The following SLC6A11 variants were observed in gnomAD, a reference collection of about 807,000 sequenced individuals.
The protein encoded by SLC6A11 is solute carrier family 6 member 11, also known as sodium- and chloride-dependent GABA transporter 3.
SLC6A11 carries 25 observed loss-of-function variants against 74.8 expected under a neutral mutation model. The ratio of observed to expected loss-of-function variants is 0.33; its 90% CI spans 0.24 to 0.47. The LOEUF is 0.47. Ranked by LOEUF, SLC6A11 falls within the 20% of genes least tolerant of loss-of-function variation. The pLI is 1.00. For synonymous variants in SLC6A11, 330 were observed against 330.2 expected, an observed-to-expected ratio of 1.00 and a Z score of 0.01; for missense variants, 574 against 837.0, an observed-to-expected ratio of 0.69 and a Z score of 3.88.
At chr3:10,889,694 A>G (rs1294868972) in intron 6 of SLC6A11, among the ~76,000 whole-genome samples, 4 of 152,226 alleles carry the variant, frequency 2.6e-5, no homozygotes, top group African/African-American at 9.6e-5. Flanking sequence ...CCTGCATTTT[A>G]GCAACACCCC....
At chr3:10,919,050 G>A (rs529077214) in intron 8 of SLC6A11, among the ~76,000 whole-genome samples, 3 of 151,688 alleles carry the variant, frequency 2.0e-5, no homozygotes, top group South Asian at 2.1e-4. Flanking sequence ...CCTCCCTCAG[G>A]GCCTTTGCAC....
intron 5 of SLC6A11, among the ~76,000 whole-genome samples, chr3:10,864,241 A>G (rs1694737027): frequency 6.6e-6 from 1 of 151,764 alleles, no homozygotes; most frequent in East Asian, 2.0e-4. Context: ...CAGTGAGAAG[A>G]AAGAGTGACA....
chr3:10,825,632 G>GA (rs1439442858), intron 4 of SLC6A11: 2 of 151,656 alleles, frequency 1.3e-5, no homozygotes, highest in Admixed American at 1.3e-4. Context: ...CCCCAAAGTT[G>GA]AAAAAATTTT....
intron 5 of SLC6A11, among the ~76,000 whole-genome samples, chr3:10,870,964 A>T (rs1189601545): frequency 6.6e-6 from 1 of 152,198 alleles, no homozygotes; most frequent in African/African-American, 2.4e-5. Context: ...TTATGGTTTT[A>T]TAAAAGAAGT....
chr3:10,824,735 G>T (rs1041039827), intron 4 of SLC6A11: 4 of 152,072 alleles, frequency 2.6e-5, no homozygotes, highest in African/African-American at 4.8e-5. Flanking sequence ...AGGTCCTCTT[G>T]GTCCTCTTGA....
intron 5 of SLC6A11, among the ~76,000 whole-genome samples, chr3:10,849,396 C>T (rs554635570): frequency 1.5e-4 from 23 of 152,238 alleles, no homozygotes; most frequent in African/African-American, 4.6e-4. Flanking sequence ...CTTGCCCATC[C>T]CTGTCACCAG....
At chr3:10,916,582 G>T (rs1695457295) in intron 7 of SLC6A11, among the ~76,000 whole-genome samples, 1 of 152,202 alleles carries the variant, frequency 6.6e-6, no homozygotes, top group Non-Finnish European at 1.5e-5. Flanking sequence ...GAAAATCACA[G>T]AAATGATATA....
intron 5 of SLC6A11, among the ~76,000 whole-genome samples, chr3:10,852,439 G>C (rs1253242751): frequency 6.6e-6 from 1 of 152,262 alleles, no homozygotes; most frequent in African/African-American, 2.4e-5. Context: ...GAATGACAGG[G>C]CTTCACCTTT....
chr3:10,914,705 A>G (rs1414504367), intron 7 of SLC6A11, among the ~76,000 whole-genome samples: 1 of 152,210 alleles, frequency 6.6e-6, no homozygotes, highest in East Asian at 1.9e-4. Context: ...TTTGTCAGCC[A>G]TAATGAAAAT....
At chr3:10,818,661 G>A (rs1320734619) in intron 1 of SLC6A11, among the ~76,000 whole-genome samples, 1 of 152,164 alleles carries the variant, frequency 6.6e-6, no homozygotes, top group African/African-American at 2.4e-5. Flanking sequence ...ATCAGATGGT[G>A]GCAAATAGCA....
intron 6 of SLC6A11, among the ~76,000 whole-genome samples, chr3:10,896,965 C>T (rs1166525224): frequency 1.3e-5 from 2 of 152,190 alleles, no homozygotes; most frequent in African/African-American, 2.4e-5. Flanking sequence ...TACAGTTCCA[C>T]GTGGCTGGGG....
chr3:10,886,676 A>T (rs1219985382), intron 6 of SLC6A11, among the ~76,000 whole-genome samples: 1 of 152,146 alleles, frequency 6.6e-6, no homozygotes, highest in Non-Finnish European at 1.5e-5. Context: ...GCATGATGGC[A>T]TGTGCCTGTA....
At chr3:10,841,027 G>T (rs2106583573) in intron 4 of SLC6A11, among the ~76,000 whole-genome samples, 1 of 152,264 alleles carries the variant, frequency 6.6e-6, no homozygotes, top group Admixed American at 6.5e-5. Flanking sequence ...AGCAGCTTCT[G>T]GGTGGAAAGC....
At chr3:10,846,713 A>G (rs1008448347) in intron 5 of SLC6A11, among the ~76,000 whole-genome samples, 1 of 152,148 alleles carries the variant, frequency 6.6e-6, no homozygotes, top group African/African-American at 2.4e-5. Flanking sequence ...GTGAACACTT[A>G]TCCACTGCCT....
chr3:10,827,734 G>A (rs754943180), intron 4 of SLC6A11, among the ~76,000 whole-genome samples: 16 of 152,224 alleles, frequency 1.1e-4, no homozygotes, highest in Non-Finnish European at 2.2e-4. Flanking sequence ...GTCTCTAGAA[G>A]CAGAGTTGAG....
intron 4 of SLC6A11, among the ~76,000 whole-genome samples, chr3:10,842,813 G>A (rs566562741): frequency 1.3e-5 from 2 of 152,262 alleles, no homozygotes; most frequent in East Asian, 3.9e-4. Context: ...ATCTATGGCT[G>A]CACACAGTCT....
intron 5 of SLC6A11, among the ~76,000 whole-genome samples, chr3:10,853,480 G>A (rs1400503429): frequency 2.6e-5 from 4 of 152,132 alleles, no homozygotes; most frequent in African/African-American, 9.7e-5. Flanking sequence ...CTCCATCCCT[G>A]TTGCCACCCA....
At position 10,903,477 on chromosome 3, in the gene SLC6A11, C is replaced by G. The variant is rs551222363; in HGVS notation, c.892-8613C>G. 2.0e-5 allele frequency among the ~76,000 whole-genome samples: 3 copies of G among 152,286 alleles called. No individual in the cohort carries two copies. The East Asian group carries it at 5.8e-4, about 29-fold the overall frequency. The stretch of plus-strand genomic sequence containing the variant: ...AGATGTTGTATGAGAGCTTATCTGC[C>G]TTTGCTTGTTGTCTGTGTCTCCCGC... On this transcript the variant is annotated intron_variant, in intron 6 of 13. Coordinates refer to ENST00000254488, the MANE Select transcript of SLC6A11 (RefSeq NM_014229.3).
At chr3:10,854,560 A>G (rs2106591319) in intron 5 of SLC6A11, among the ~76,000 whole-genome samples, 1 of 152,298 alleles carries the variant, frequency 6.6e-6, no homozygotes, top group Admixed American at 6.5e-5. Flanking sequence ...ACCATGCAGC[A>G]TCCTTTCTGT....
Sources: gnomAD v4.1 joint callset for allele counts (sites outside exome capture counted in the v4.1 genomes callset) on GRCh38, gnomAD v4.1.1 for gene constraint, MANE v1.5 for transcripts, NCBI Gene and HGNC (gene_info 2026-07-23, HGNC 2026-07-21) for gene names.